ELMO1: variants seen among roughly 807,000 people sequenced by gnomAD.
ELMO1 encodes the protein engulfment and cell motility protein 1.
A neutral mutation model predicts 98.9 loss-of-function variants in ELMO1; 26 were observed. The observed-to-expected ratio is 0.26, with a 90% CI of 0.19 to 0.36. ELMO1 has a LOEUF of 0.36. ELMO1 is among the 10% of genes least tolerant of loss of function. ELMO1 has a pLI of 1.00. For synonymous variants in ELMO1, 346 were observed against 346.0 expected (o/e 1.00, Z 0.00); for missense variants, 627 against 935.2 (o/e 0.67, Z 4.30).
At chr7:37,116,708 C>T (rs1785619424) in intron 14 of ELMO1, 1 of 151,528 alleles carries the variant, frequency 6.6e-6, no homozygotes, top group Non-Finnish European at 1.5e-5. Context: ...CCACCACCAC[C>T]ACCAACAAAA....
chr7:37,203,460 T>C (rs1365045406), intron 13 of ELMO1, among the ~76,000 whole-genome samples: 4 of 152,182 alleles, frequency 2.6e-5, no homozygotes, highest in Non-Finnish European at 4.4e-5. Context: ...GCTTCAGGAA[T>C]AGCTTTTGTT....
chr7:37,272,680 GAA>G (rs35128089), intron 4 of ELMO1, among the ~76,000 whole-genome samples: 30 of 112,540 alleles, frequency 2.7e-4, no homozygotes, highest in Admixed American at 4.5e-4. Context: ...CGTCTTAAAG[GAA>G]AAAAAAAAAA....
At chr7:37,215,811 G>A (rs1793246708) in intron 11 of ELMO1, among the ~76,000 whole-genome samples, 1 of 152,080 alleles carries the variant, frequency 6.6e-6, no homozygotes, top group African/African-American at 2.4e-5. Flanking sequence ...CCCCTCCTTT[G>A]GGGAACTATA....
At chr7:37,093,177 G>GT (rs11298858) in intron 15 of ELMO1, among the ~76,000 whole-genome samples, 1,471 of 140,674 alleles carry the variant, frequency 0.01, 24 homozygotes, top group African/African-American at 0.032. Context: ...AAATAGTGCT[G>GT]TTTTTTTTTT....
chr7:37,316,398 T>C (rs149505396), intron 2 of ELMO1, among the ~76,000 whole-genome samples: 1,980 of 152,284 alleles, frequency 0.013, 26 homozygotes, highest in Non-Finnish European at 0.02. Flanking sequence ...TATAAGAACA[T>C]GTGGCAAATG....
chr7:37,093,876 C>T (rs755424698), intron 15 of ELMO1, among the ~76,000 whole-genome samples: 10 of 152,118 alleles, frequency 6.6e-5, no homozygotes, highest in Non-Finnish European at 1.3e-4. Context: ...ATAAGTCAAA[C>T]TAAAAACTTA....
intron 4 of ELMO1, among the ~76,000 whole-genome samples, chr7:37,305,527 C>T (rs568282608): frequency 2.0e-5 from 3 of 152,090 alleles, no homozygotes; most frequent in African/African-American, 7.2e-5. Flanking sequence ...GAAAGCCAAA[C>T]TAAACTTTTT....
chr7:37,445,313 A>G lies in ELMO1; in HGVS notation c.-74+3362T>C, dbSNP rs142679434. Among the ~76,000 whole-genome samples the G allele has an allele frequency of 4.0e-4, 61 of 152,346 alleles. 1 individual carries two copies. The East Asian group carries it at 0.011, about 26-fold the overall frequency. On this transcript the variant is annotated intron_variant, in intron 1 of 21. Coordinates refer to ENST00000310758, the MANE Select transcript of ELMO1 (RefSeq NM_014800.11). ...TAATCCACCACGTTTTCCAGATTCA[A>G]CAGAATGTCTTATAAACCAAACTAT...
chr7:37,279,898 C>T (rs917183375), intron 4 of ELMO1, among the ~76,000 whole-genome samples: 1 of 152,170 alleles, frequency 6.6e-6, no homozygotes, highest in Non-Finnish European at 1.5e-5. Context: ...ACCTGCATGA[C>T]TCAACAGAGG....
At position 37,086,330 on chromosome 7, in the gene ELMO1, CTGTGTGTG is replaced by C. The variant is rs58906590; in HGVS notation, c.1300+10281_1300+10288del. Among the ~76,000 whole-genome samples the C allele has an allele frequency of 6.3e-3, 899 of 143,178 alleles. 5 individuals carry two copies. Among genetic ancestry groups the C allele is most frequent in the Middle Eastern group, 0.018 (5 of 284 alleles). 93.9% of individuals were successfully genotyped at this position (143,178 alleles called of 152,430 possible). ...GAAACATTTTTGTAACAATACATGACTGTGTGTGTGTGTGTGTGTGTGTGTGTGTGTGT... is the reference window on the plus strand; with the variant it reads ...GAAACATTTTTGTAACAATACATGACTGTGTGTGTGTGTGTGTGTGTGTGT... On this transcript the variant is annotated intron_variant, in intron 15 of 21. Transcript: ENST00000310758.
intron 18 of ELMO1, among the ~76,000 whole-genome samples, chr7:36,884,926 G>T (rs73689673): frequency 0.07 from 10,627 of 152,240 alleles, 544 homozygotes; most frequent in East Asian, 0.26. Context: ...ACCTGTGGTG[G>T]CACCAGGCAG....
At chr7:37,033,118 C>A (rs560049756) in intron 15 of ELMO1, among the ~76,000 whole-genome samples, 64 of 152,252 alleles carry the variant, frequency 4.2e-4, no homozygotes, top group African/African-American at 1.4e-3. Flanking sequence ...ACTCCACATT[C>A]CATAATCGCT....
intron 2 of ELMO1, among the ~76,000 whole-genome samples, chr7:37,325,631 C>A (rs529077502): frequency 1.1e-4 from 17 of 151,970 alleles, no homozygotes; most frequent in Non-Finnish European, 1.9e-4. Flanking sequence ...AAAAAAAAAC[C>A]TACCTGACAG....
intron 8 of ELMO1, 102 bp from the exon 9 acceptor site, chr7:37,225,132 C>T (rs751540724): frequency 2.1e-4 from 288 of 1,400,938 alleles, no homozygotes; most frequent in Non-Finnish European, 2.6e-4. Flanking sequence ...TTAAGAAACA[C>T]CAGGCACTGA....
intron 1 of ELMO1, chr7:37,351,212 A>C (rs1255716134): frequency 6.6e-6 from 1 of 152,248 alleles, no homozygotes; most frequent in Non-Finnish European, 1.5e-5. Context: ...CCCATGTGTA[A>C]TTTTTATATA....
chr7:37,018,833 T>C (rs369389977), intron 15 of ELMO1, among the ~76,000 whole-genome samples: 7 of 152,348 alleles, frequency 4.6e-5, no homozygotes, highest in Middle Eastern at 3.4e-3. Flanking sequence ...GGCTATTAGT[T>C]ACTATTTTTA....
At chr7:37,055,962 C>CT (rs1482905818) in intron 15 of ELMO1, among the ~76,000 whole-genome samples, 2 of 152,182 alleles carry the variant, frequency 1.3e-5, no homozygotes, top group East Asian at 3.8e-4. Context: ...TTCAACTTAA[C>CT]TTTAATTAGG....
intron 13 of ELMO1, among the ~76,000 whole-genome samples, chr7:37,207,818 C>T (rs1370852363): frequency 1.3e-5 from 2 of 151,938 alleles, no homozygotes; most frequent in African/African-American, 2.4e-5. Context: ...GGTGGGCACC[C>T]GACAAGAGCA....
At chr7:37,194,573 T>C (rs112334482) in intron 13 of ELMO1, among the ~76,000 whole-genome samples, 44 of 152,316 alleles carry the variant, frequency 2.9e-4, no homozygotes, top group African/African-American at 9.6e-4. Flanking sequence ...TTACAAATTA[T>C]CAAATATCAT....
Sources: allele counts gnomAD v4.1 joint callset (sites outside exome capture counted in the v4.1 genomes callset), GRCh38; gene constraint gnomAD v4.1.1; transcripts MANE v1.5; gene names NCBI Gene and HGNC (gene_info 2026-07-23, HGNC 2026-07-21).